NDUFS3: variants seen among roughly 807,000 people sequenced by gnomAD.
NDUFS3 encodes NADH dehydrogenase [ubiquinone] iron-sulfur protein 3, mitochondrial.
NDUFS3 carries 19 observed loss-of-function variants against 30.8 expected under a neutral mutation model. That is an observed-to-expected ratio of 0.62 (90% CI 0.43 to 0.91). The LOEUF is 0.91. Among genes scored for constraint, NDUFS3 ranks in the 40% least tolerant of loss-of-function variants. The pLI is 0.00. For missense variants in NDUFS3, 331 were observed against 342.0 expected (o/e 0.97, Z 0.25); for synonymous variants, 153 against 135.8 (o/e 1.13, Z -0.88).
rs1480153099 is a variant in NDUFS3, at chr11:47,579,343, G to T, written c.133+9G>T. The T allele has an allele frequency of 6.2e-7, 1 of 1,613,360 alleles. No homozygotes were observed. Among genetic ancestry groups the T allele is most frequent in the Non-Finnish European group, 8.5e-7 (1 of 1,180,044 alleles). On this transcript the variant is annotated intron_variant, in intron 2 of 6. Coordinates refer to ENST00000263774, the MANE Select transcript of NDUFS3 (RefSeq NM_004551.3). Reference sequence around the variant, plus strand: ...CGGGGCCGACACGCGCCGTGAGTATGTGCGGGCAGCGCTCTTCTCTGAACT... The same window carrying T: ...CGGGGCCGACACGCGCCGTGAGTATTTGCGGGCAGCGCTCTTCTCTGAACT...
chr11:47,584,250 T>C (rs2097270067), intron 6 of NDUFS3, 64 bp from the exon 7 acceptor site: 1 of 1,607,752 alleles, frequency 6.2e-7, no homozygotes, highest in Non-Finnish European at 8.5e-7. Context: ...TTGTGAAAAG[T>C]AGGCTCCTGT....
Position 47,582,125 on chromosome 11 carries a change from G to C in NDUFS3, c.419G>C (p.Arg140Pro), listed in dbSNP as rs372417584. 6.2e-7 allele frequency: 1 copy of C among 1,613,964 alleles called. No homozygotes were observed. Among genetic ancestry groups the C allele is most frequent in the East Asian group, 2.2e-5 (1 of 44,866 alleles). ...CTGTTGTCTCTGCGCTTCAACTCACGGATCCGTGTGAAGACCTACACAGAT... is the reference window on the plus strand; with the variant it reads ...CTGTTGTCTCTGCGCTTCAACTCACCGATCCGTGTGAAGACCTACACAGAT... ...YNLLSLRFNS[R>P]IRVKTYTDEL... The change falls in exon 5 of 7, where the codon CGG (arginine) becomes CCG (proline). Residue 140 changes from arginine to proline, a missense_variant. Transcript: ENST00000263774.
Position 47,584,370 on chromosome 11 carries a change from A to C in NDUFS3, c.684A>C (p.Gln228His). Residue 228 changes from glutamine to histidine, a missense_variant, in exon 7 of 7, where the codon CAA becomes CAC. Gln to His is a conservative substitution (Grantham distance 24). Coordinates refer to ENST00000263774, the MANE Select transcript of NDUFS3 (RefSeq NM_004551.3). ...TGGCAGAGCCGGTGGAGTTGGCCCA[A>C]GAGTTCCGCAAATTTGACCTGAACA... ...RVVAEPVELA[Q>H]EFRKFDLNSP... The C allele has an allele frequency of 6.2e-7, 1 of 1,614,136 alleles. No homozygotes were observed. The highest frequency in any genetic ancestry group is 8.5e-7 in the Non-Finnish European group (1 of 1,180,030).
chr11:47,582,810 A>G (rs1178500602), intron 6 of NDUFS3, among the ~76,000 whole-genome samples: 1 of 152,186 alleles, frequency 6.6e-6, no homozygotes, highest in Non-Finnish European at 1.5e-5. Context: ...AGCCTAGGCA[A>G]CATGGTGAAA....
At position 47,584,394 on chromosome 11, in the gene NDUFS3, C is replaced by T; in HGVS notation, c.708C>T (p.Asn236=). ...AAGAGTTCCGCAAATTTGACCTGAA[C>T]AGCCCCTGGGAGGCTTTCCCAGTCT... The part of the protein sequence containing the change: ...LAQEFRKFDL[N]SPWEAFPVYR... The change falls in exon 7 of 7, where the codon AAC becomes AAT. Residue 236 remains asparagine (N), a synonymous_variant. Transcript: ENST00000263774. 1 of 1,614,162 alleles carries T rather than the reference C, an allele frequency of 6.2e-7. No homozygotes were observed. The highest frequency in any genetic ancestry group is 8.5e-7 in the Non-Finnish European group (1 of 1,180,036).
chr11:47,579,690 A>C (rs1185518856), intron 2 of NDUFS3: 9 of 440,262 alleles, frequency 2.0e-5, no homozygotes, highest in Non-Finnish European at 3.8e-5. Flanking sequence ...GAATGATCTT[A>C]TTTCGTCCTC....
chr11:47,581,510 G>A (rs1234002722), intron 4 of NDUFS3: 1 of 223,676 alleles, frequency 4.5e-6, no homozygotes, highest in Non-Finnish European at 9.0e-6. Context: ...ATATAAAGCT[G>A]TCCTTATCTT....
intron 6 of NDUFS3, among the ~76,000 whole-genome samples, chr11:47,583,060 G>GTT (rs2097269518): frequency 6.6e-6 from 1 of 152,046 alleles, no homozygotes; most frequent in Non-Finnish European, 1.5e-5. Flanking sequence ...CTGTGTGTGT[G>GTT]TGTGTGTGTC....
Position 47,579,162 on chromosome 11 carries a change from A to C in NDUFS3, c.67+4A>C, listed in dbSNP as rs1424630879. 1.9e-6 allele frequency: 3 copies of C among 1,610,864 alleles called. No individual in the cohort carries two copies. In the South Asian group the frequency reaches 3.3e-5, roughly 18 times the overall value. ...GGGGCCTCGGCGCTGACCAGGGGTG[A>C]GCACGGGCAGCCAGCTGAGACCGGG... On this transcript the variant is annotated splice_donor_region_variant and intron_variant, in intron 1 of 6. Transcript: ENST00000263774.
At chr11:47,581,089 A>G in intron 4 of NDUFS3, 105 bp downstream of exon 4, 3 of 1,392,128 alleles carry the variant, frequency 2.2e-6, no homozygotes, top group Admixed American at 1.7e-5. Context: ...AGTCAAGTAG[A>G]TCTGAAGTTG....
rs777901520 is a variant in NDUFS3 at position 47,579,377 on chromosome 11, G to C, written c.133+43G>C. On this transcript the variant is annotated intron_variant, in intron 2 of 6. Coordinates refer to ENST00000263774, the MANE Select transcript of NDUFS3 (RefSeq NM_004551.3). The stretch of plus-strand genomic sequence containing the variant: ...GCGCTCTTCTCTGAACTATCGGCGG[G>C]GCCCCTTAGATGCCTGTCCTTGCCC... 5.0e-6 allele frequency: 8 copies of C among 1,610,088 alleles called. No individual in the cohort carries two copies. In the Admixed American group the frequency reaches 1.3e-4, roughly 27 times the overall value.
chr11:47,583,138 G>A (rs532110199), intron 6 of NDUFS3, among the ~76,000 whole-genome samples: 3 of 151,702 alleles, frequency 2.0e-5, no homozygotes, highest in South Asian at 2.1e-4. Flanking sequence ...AGTCTTGACC[G>A]CCCAGGCTCA....
intron 3 of NDUFS3, 33 bp downstream of exon 3, chr11:47,580,655 C>T: frequency 6.2e-7 from 1 of 1,606,536 alleles, no homozygotes; most frequent in Non-Finnish European, 8.5e-7. Flanking sequence ...GGGTCTGGGT[C>T]AAGAAAGAAC....
At chr11:47,579,983 TGACACACACACACA>T (rs2097267300) in intron 2 of NDUFS3, among the ~76,000 whole-genome samples, 1 of 94,386 alleles carries the variant, frequency 1.1e-5, no homozygotes, top group African/African-American at 4.2e-5. Context: ...GTTTTCTCAT[TGACACACACACACA>T]CACACACACA....
At chr11:47,581,810 AAG>A (rs1565942461) in intron 4 of NDUFS3, 1 of 452,694 alleles carries the variant, frequency 2.2e-6, no homozygotes, top group African/African-American at 2.0e-5. Flanking sequence ...CTTCTTTGAA[AAG>A]AGAGAATGTT....
chr11:47,581,067 C>T, intron 4 of NDUFS3, 83 bp downstream of exon 4: 1 of 1,554,442 alleles, frequency 6.4e-7, no homozygotes, highest in Non-Finnish European at 8.8e-7. Context: ...AGCAGTTAAA[C>T]TGGAACTTCA....
chr11:47,580,773 C>A, intron 3 of NDUFS3, 62 bp from the exon 4 acceptor site: 1 of 1,610,554 alleles, frequency 6.2e-7, no homozygotes. Context: ...GTGACTCCAG[C>A]TGAAGTTAGC....
chr11:47,580,684 G>C, intron 3 of NDUFS3, 62 bp downstream of exon 3: 1 of 1,587,552 alleles, frequency 6.3e-7, no homozygotes, highest in South Asian at 1.1e-5. Context: ...CAGGGCATGT[G>C]GGAGTGGGCA....
intron 4 of NDUFS3, 115 bp downstream of exon 4, chr11:47,581,099 G>A: frequency 7.6e-7 from 1 of 1,315,454 alleles, no homozygotes; most frequent in Non-Finnish European, 1.1e-6. Flanking sequence ...ATCTGAAGTT[G>A]GATCTTGGTT....
Sources: allele counts gnomAD v4.1 joint callset (sites outside exome capture counted in the v4.1 genomes callset), GRCh38; gene constraint gnomAD v4.1.1; transcripts MANE v1.5; gene names NCBI Gene and HGNC (gene_info 2026-07-23, HGNC 2026-07-21).